MYBPC2: variants seen among roughly 807,000 people sequenced by gnomAD.
MYBPC2 encodes myosin-binding protein C, fast-type.
A neutral mutation model predicts 137.0 loss-of-function variants in MYBPC2; 122 were observed. That is an observed-to-expected ratio of 0.89 (90% CI 0.77 to 1.03). The LOEUF (loss-of-function observed/expected upper bound fraction) is 1.03, where lower values mean the gene tolerates loss of function less well. MYBPC2 is among the 50% of genes least tolerant of loss of function. The pLI, the probability that MYBPC2 is intolerant of heterozygous loss-of-function variation, is 0.00. For missense variants in MYBPC2, 1,500 were observed against 1,534.4 expected, an observed-to-expected ratio of 0.98 and a Z score of 0.37; for synonymous variants, 626 against 612.3, an observed-to-expected ratio of 1.02 and a Z score of -0.33.
At position 50,446,016 on chromosome 19, in the gene MYBPC2, A is replaced by G. The variant is rs368424628; in HGVS notation, c.1270A>G (p.Asn424Asp). The change falls in exon 12 of 28, where the codon AAT becomes GAT. Residue 424 changes from asparagine (N) to aspartate (D), a missense_variant. Asn to Asp is a conservative substitution (Grantham distance 23). Coordinates refer to ENST00000357701, the MANE Select transcript of MYBPC2 (RefSeq NM_004533.4). The stretch of plus-strand genomic sequence containing the variant: ...CAGGGGTCGCTATCAGGTCATAACC[A>G]ATGGCGGCCAGTGTGAGGCCGAGCT... ...EDRGRYQVIT[N>D]GGQCEAELIV... The G allele has an allele frequency of 4.4e-5, 71 of 1,613,268 alleles. No homozygotes were observed. The highest frequency in any genetic ancestry group is 5.6e-5 in the Non-Finnish European group (66 of 1,179,700).
rs917912201 is a variant in MYBPC2 at position 50,465,894 on chromosome 19, A to G, written c.3416-301A>G. ...GATCACTGCCCTTCCAAGCCCACCC[A>G]ATTTCTGATACTCTGCTGTCTCCCT... is the stretch of plus-strand genomic sequence containing the variant. On this transcript the variant is annotated intron_variant, in intron 27 of 27. Transcript: ENST00000357701. The surrounding 1 kb of genome is among the most constrained non-coding windows in gnomAD (Gnocchi z 4.5). 2.0e-5 allele frequency among the ~76,000 whole-genome samples: 3 copies of G among 152,112 alleles called. No individual in the cohort carries two copies. Among genetic ancestry groups the G allele is most frequent in the African/African-American group, 7.2e-5 (3 of 41,416 alleles).
At chr19:50,460,371 C>T (rs1056920455) in intron 24 of MYBPC2, among the ~76,000 whole-genome samples, 192 bp downstream of exon 24, 3 of 152,102 alleles carry the variant, frequency 2.0e-5, no homozygotes, top group East Asian at 1.9e-4. Context: ...CTGAGGTAAA[C>T]GTCACATAAC....
At chr19:50,439,710 G>A (rs1173092373) in intron 7 of MYBPC2, among the ~76,000 whole-genome samples, 1 of 152,252 alleles carries the variant, frequency 6.6e-6, no homozygotes, top group African/African-American at 2.4e-5. Context: ...AGAGAGAACA[G>A]TCTGACTGGG....
At chr19:50,461,178 A>AT (rs1037415767) in intron 24 of MYBPC2, among the ~76,000 whole-genome samples, 6 of 149,750 alleles carry the variant, frequency 4.0e-5, no homozygotes, top group Admixed American at 6.7e-5. Flanking sequence ...TAATTTTTTG[A>AT]TTTTTTTAAC....
Position 50,443,635 on chromosome 19 carries a change from GA to G in MYBPC2, c.1027+19del, listed in dbSNP as rs1187180573. On this transcript the variant is annotated intron_variant, in intron 10 of 27. Coordinates refer to ENST00000357701, the MANE Select transcript of MYBPC2 (RefSeq NM_004533.4). ...TCGTCAAAGGTGAGGCTGGAATTCA[GA>G]ACTGAGCCTGGAGAGGGACTGGAAC... The G allele has an allele frequency of 6.2e-7, 1 of 1,613,092 alleles. No homozygotes were observed. The highest frequency in any genetic ancestry group is 1.7e-5 in the Admixed American group (1 of 59,988).
chr19:50,437,406 G>A (rs2039713354), intron 5 of MYBPC2, 67 bp from the exon 6 acceptor site: 2 of 1,506,492 alleles, frequency 1.3e-6, no homozygotes, highest in East Asian at 2.4e-5. Flanking sequence ...GCCTGGAGAG[G>A]GGCTCTCAGT....
At chr19:50,446,172 A>C in intron 12 of MYBPC2, 120 bp downstream of exon 12, 1 of 1,206,612 alleles carries the variant, frequency 8.3e-7, no homozygotes, top group Non-Finnish European at 1.1e-6. Flanking sequence ...CACACACCCT[A>C]TGTTCAGCCC....
At chr19:50,441,857 TAA>T (rs1209380631) in intron 8 of MYBPC2, among the ~76,000 whole-genome samples, 3 of 130,938 alleles carry the variant, frequency 2.3e-5, no homozygotes, top group African/African-American at 1.0e-4. Context: ...TAAAATAAAA[TAA>T]AAAATAAAAT....
chr19:50,456,588 G>A (rs1323615443), intron 20 of MYBPC2, among the ~76,000 whole-genome samples: 1 of 150,730 alleles, frequency 6.6e-6, no homozygotes, highest in African/African-American at 2.5e-5. Flanking sequence ...CTGCAACCAT[G>A]CCCAGCTAAT....
chr19:50,459,921 T>G (rs1479238587), intron 23 of MYBPC2, 119 bp from the exon 24 acceptor site: 12 of 1,366,616 alleles, frequency 8.8e-6, no homozygotes, highest in African/African-American at 1.9e-5. Context: ...TAGGCAGGAA[T>G]GGGAATGGGG....
At position 50,454,035 on chromosome 19, in the gene MYBPC2, G is replaced by C; in HGVS notation, c.1765G>C (p.Glu589Gln). Residue 589 changes from glutamate (E) to glutamine (Q), a missense_variant, in exon 17 of 28, where the codon GAG becomes CAG. Coordinates refer to ENST00000357701, the MANE Select transcript of MYBPC2 (RefSeq NM_004533.4). ...CTGCGTTCAGGTATTCACGACCACC[G>C]AGGGCAGGACCCGCATCGAGAAGCG... ...LKGDEVFTTTEGRTRIEKRVD... is the reference protein window; with the variant it reads ...LKGDEVFTTTQGRTRIEKRVD... 2 of 1,604,046 alleles carry C rather than the reference G, an allele frequency of 1.2e-6. No individual in the cohort carries two copies. Among genetic ancestry groups the C allele is most frequent in the South Asian group, 2.2e-5 (2 of 89,204 alleles).
intron 12 of MYBPC2, among the ~76,000 whole-genome samples, chr19:50,447,204 C>T (rs1481074597): frequency 6.6e-6 from 1 of 152,052 alleles, no homozygotes; most frequent in Non-Finnish European, 1.5e-5. Flanking sequence ...GGTCTGTGGT[C>T]TGAGTAACAG....
intron 23 of MYBPC2, 59 bp from the exon 24 acceptor site, chr19:50,459,981 A>T (rs1255675566): frequency 3.9e-6 from 6 of 1,537,868 alleles, no homozygotes; most frequent in Non-Finnish European, 5.3e-6. Context: ...AGGGGAGGGG[A>T]GGGAAGCGGC....
intron 26 of MYBPC2, 64 bp from the exon 27 acceptor site, chr19:50,464,282 C>T: frequency 2.1e-6 from 3 of 1,456,702 alleles, no homozygotes; most frequent in Non-Finnish European, 2.8e-6. Flanking sequence ...TCCTGAGCCC[C>T]ATTTTGTCAT....
intron 11 of MYBPC2, among the ~76,000 whole-genome samples, chr19:50,445,209 T>C (rs11670642): frequency 0.22 from 34,093 of 151,798 alleles, 4,037 homozygotes; most frequent in East Asian, 0.38. Context: ...GAGAGTGCCC[T>C]GGACAGGGAA....
chr19:50,457,841 G>A lies in MYBPC2; in HGVS notation c.2339-746G>A, dbSNP rs528005806. On this transcript the variant is annotated intron_variant, in intron 20 of 27. Transcript: ENST00000357701. The stretch of plus-strand genomic sequence containing the variant: ...ATTACAGGTGCCTGCCACCTTGCCC[G>A]GCTAAGTATTGTGTTTTTAATAGAG... 2.3e-3 allele frequency among the ~76,000 whole-genome samples: 347 copies of A among 151,486 alleles called. 2 individuals carry two copies. The highest frequency in any genetic ancestry group is 7.6e-3 in the African/African-American group (312 of 41,316).
intron 8 of MYBPC2, among the ~76,000 whole-genome samples, chr19:50,441,889 T>TAAAATA (rs111771283): frequency 0.077 from 11,337 of 146,824 alleles, 539 homozygotes; most frequent in African/African-American, 0.14. Context: ...TAAAATAAAA[T>TAAAATA]AAATAAATAA....
rs1425274861 is a variant in MYBPC2, at chr19:50,435,097, G to A, written c.20-64G>A. ...GGGGCTGGGGGGTCTGGACTCCTGC[G>A]TCTGAGGGAGGGGCATGGGTGTGCA... On this transcript the variant is annotated intron_variant, in intron 1 of 27. Coordinates refer to ENST00000357701, the MANE Select transcript of MYBPC2 (RefSeq NM_004533.4). The surrounding 1 kb of genome is among the most constrained non-coding windows in gnomAD (Gnocchi z 4.8). 48 of 730,044 alleles carry A rather than the reference G, an allele frequency of 6.6e-5. No individual in the cohort carries two copies. The highest frequency in any genetic ancestry group is 1.0e-4 in the Non-Finnish European group (41 of 397,074). 45.2% of individuals were successfully genotyped at this position (730,044 alleles called of 1,614,324 possible). A position where few individuals can be genotyped will look rare whatever the true frequency, so the allele number is the denominator to read the frequency against.
At chr19:50,440,752 G>A (rs1382934924) in intron 7 of MYBPC2, 128 bp from the exon 8 acceptor site, 23 of 909,556 alleles carry the variant, frequency 2.5e-5, no homozygotes, top group Admixed American at 1.8e-4. Context: ...TGGACCAGGC[G>A]GGAAACAATA....
Sources: gnomAD v4.1 joint callset for allele counts (sites outside exome capture counted in the v4.1 genomes callset) on GRCh38, gnomAD v4.1.1 for gene constraint, Gnocchi (gnomAD v3.1) non-coding constraint, MANE v1.5 for transcripts, NCBI Gene and HGNC (gene_info 2026-07-23, HGNC 2026-07-21) for gene names.